UBR3: variants seen among roughly 807,000 people sequenced by gnomAD.
UBR3 encodes ubiquitin protein ligase E3 component n-recognin 3.
A neutral mutation model predicts 243.2 loss-of-function variants in UBR3; 85 were observed. The ratio of observed to expected loss-of-function variants is 0.35; its 90% CI spans 0.29 to 0.42. The LOEUF is 0.42. UBR3 is among the 10% of genes least tolerant of loss of function. UBR3 has a pLI of 1.00. For synonymous variants in UBR3, 748 were observed against 799.8 expected (o/e 0.94, Z 1.09); for missense variants, 1,686 against 2,300.8 (o/e 0.73, Z 5.47).
At chr2:169,894,200 A>G (rs1371043119) in intron 6 of UBR3, among the ~76,000 whole-genome samples, 1 of 151,818 alleles carries the variant, frequency 6.6e-6, no homozygotes, top group African/African-American at 2.4e-5. Flanking sequence ...TTGCACACCT[A>G]TAGTCCTAGC....
rs115414823 is a variant in UBR3 at position 169,856,918 on chromosome 2, A to G, written c.546-15318A>G. Reference sequence around the variant, plus strand: ...CATCAAACTTTTGGTCTTTGCAAATATGATAGGTAGAAAAAAGGTGTTTCA... The same window carrying G: ...CATCAAACTTTTGGTCTTTGCAAATGTGATAGGTAGAAAAAAGGTGTTTCA... On this transcript the variant is annotated intron_variant, in intron 1 of 38. Coordinates refer to ENST00000272793, the MANE Select transcript of UBR3 (RefSeq NM_172070.4). 7.7e-3 allele frequency among the ~76,000 whole-genome samples: 1,175 copies of G among 152,078 alleles called. 16 individuals are homozygous for G. The highest frequency in any genetic ancestry group is 0.026 in the African/African-American group (1,061 of 41,466).
chr2:170,025,323 G>T (rs1336759317), intron 30 of UBR3, among the ~76,000 whole-genome samples: 1 of 152,120 alleles, frequency 6.6e-6, no homozygotes, highest in Admixed American at 6.6e-5. Flanking sequence ...CATAAAGTAA[G>T]GGGATAATCT....
At chr2:170,078,644 C>CT (rs1323577220) in intron 36 of UBR3, among the ~76,000 whole-genome samples, 1 of 152,140 alleles carries the variant, frequency 6.6e-6, no homozygotes, top group African/African-American at 2.4e-5. Flanking sequence ...AATACCACAG[C>CT]TTTTTTCAGA....
At chr2:169,894,322 GAAAAAAAAAA>G (rs59525862) in intron 6 of UBR3, among the ~76,000 whole-genome samples, 13 of 78,236 alleles carry the variant, frequency 1.7e-4, no homozygotes, top group East Asian at 8.4e-4. Context: ...TGACTCTTAA[GAAAAAAAAAA>G]AAAAAAAAAA....
chr2:169,924,536 T>C (rs1317845358), intron 13 of UBR3, among the ~76,000 whole-genome samples: 1 of 152,164 alleles, frequency 6.6e-6, no homozygotes, highest in African/African-American at 2.4e-5. Context: ...TTTCCCTATC[T>C]GTATAGTGAG....
intron 31 of UBR3, among the ~76,000 whole-genome samples, chr2:170,038,366 A>T (rs544659093): frequency 1.3e-5 from 2 of 152,286 alleles, no homozygotes; most frequent in South Asian, 4.1e-4. Flanking sequence ...CCACTCGTTT[A>T]TTTGTTCATT....
intron 33 of UBR3, 122 bp downstream of exon 33, chr2:170,055,706 A>C: frequency 8.2e-7 from 1 of 1,222,062 alleles, no homozygotes; most frequent in Non-Finnish European, 1.1e-6. Flanking sequence ...TAAATTGAGC[A>C]CCTACAGGCT....
At chr2:169,908,969 G>A (rs1242340047) in intron 10 of UBR3, among the ~76,000 whole-genome samples, 23 of 151,874 alleles carry the variant, frequency 1.5e-4, no homozygotes, top group Admixed American at 3.9e-4. Context: ...GACTACAGGT[G>A]CCCGCCACCA....
At chr2:170,022,110 C>A (rs1433459251) in intron 30 of UBR3, among the ~76,000 whole-genome samples, 1 of 152,082 alleles carries the variant, frequency 6.6e-6, no homozygotes, top group Non-Finnish European at 1.5e-5. Flanking sequence ...CCTAGGACTA[C>A]CTATATGCAG....
At chr2:170,078,345 C>G (rs2091852593) in intron 36 of UBR3, 1 of 261,624 alleles carries the variant, frequency 3.8e-6, no homozygotes, top group Non-Finnish European at 7.3e-6. Flanking sequence ...TTTTGGGTCT[C>G]AGAGACCCAC....
rs569513336 is a variant in UBR3, at chr2:169,973,798, A to G, written c.3635-12847A>G. Among the ~76,000 whole-genome samples the G allele has an allele frequency of 2.6e-5, 4 of 152,260 alleles. No individual in the cohort carries two copies. The East Asian group carries it at 7.7e-4, about 29-fold the overall frequency. ...TCCAGTTCTTGGAGGAAAAGCTTTCAGCTTTTCCTTATTCAGTATAATGTT... is the reference window on the plus strand; with the variant it reads ...TCCAGTTCTTGGAGGAAAAGCTTTCGGCTTTTCCTTATTCAGTATAATGTT... On this transcript the variant is annotated intron_variant, in intron 24 of 38. Transcript: ENST00000272793.
chr2:169,828,077 G>A (rs1044511369), intron 1 of UBR3, 25 bp downstream of exon 1: 71 of 1,357,418 alleles, frequency 5.2e-5, no homozygotes, highest in Non-Finnish European at 6.2e-5. Flanking sequence ...CCCCGCGGGC[G>A]AGGCGACCCT....
In UBR3 at chr2:170,029,446, A is replaced by G. The variant is rs1260966052; in HGVS notation, c.4554A>G (p.Pro1518=). The change falls in exon 31 of 39, where the codon CCA becomes CCG. Residue 1518 remains proline, a splice_region_variant and synonymous_variant. Coordinates refer to ENST00000272793, the MANE Select transcript of UBR3 (RefSeq NM_172070.4). ...RKLTQLEEMN[P]QLGYEEQQPE... is the part of the protein sequence containing the mutation. The stretch of plus-strand genomic sequence containing the variant: ...TCACCCAGTTAGAAGAGATGAATCC[A>G]CAGTAAGTATAATTGAAAGACTAAA... 2 of 1,602,292 alleles carry G rather than the reference A, an allele frequency of 1.2e-6. No homozygotes were observed. The highest frequency in any genetic ancestry group is 1.7e-6 in the Non-Finnish European group (2 of 1,174,126).
intron 5 of UBR3, among the ~76,000 whole-genome samples, chr2:169,882,359 T>TTATATATGTATTATATAA (rs1486703421): frequency 3.0e-4 from 8 of 26,908 alleles, no homozygotes; most frequent in South Asian, 5.9e-3. Context: ...TAAATATATA[T>TTATATATGTATTATATAA]TATATATGTA....
chr2:170,001,328 A>G lies in UBR3; in HGVS notation c.3943A>G (p.Ile1315Val), dbSNP rs750572865. Residue 1315 changes from isoleucine (I) to valine (V), a missense_variant, in exon 27 of 39, where the codon ATT becomes GTT. Transcript: ENST00000272793. ...GAGTTCATGTCTCTTGGCAGTATCAATTGGCTGGGAAGGAGGTGTTTATGT... is the reference window on the plus strand; with the variant it reads ...GAGTTCATGTCTCTTGGCAGTATCAGTTGGCTGGGAAGGAGGTGTTTATGT... ...KDSSCLLAVSIGWEGGVYVQT... is the reference protein window; with the variant it reads ...KDSSCLLAVSVGWEGGVYVQT... The G allele has an allele frequency of 5.6e-6, 9 of 1,613,228 alleles. No individual in the cohort carries two copies. Among genetic ancestry groups the G allele is most frequent in the Non-Finnish European group, 7.6e-6 (9 of 1,179,446 alleles).
At chr2:169,854,185 T>TA (rs1291301163) in intron 1 of UBR3, among the ~76,000 whole-genome samples, 2 of 152,042 alleles carry the variant, frequency 1.3e-5, no homozygotes, top group Admixed American at 6.6e-5. Context: ...TTAAAGTATT[T>TA]AAAAAAAAGT....
At chr2:170,067,052 CG>C (rs1167756243) in intron 35 of UBR3, among the ~76,000 whole-genome samples, 1 of 151,300 alleles carries the variant, frequency 6.6e-6, no homozygotes, top group Non-Finnish European at 1.5e-5. Context: ...AGGAAGCAGG[CG>C]CACAGAGATG....
Position 170,028,429 on chromosome 2 carries a change from T to A in UBR3, c.4454-917T>A, listed in dbSNP as rs573020865. On this transcript the variant is annotated intron_variant, in intron 30 of 38. Coordinates refer to ENST00000272793, the MANE Select transcript of UBR3 (RefSeq NM_172070.4). ...AATAAGTAACAATAATAGGTTTGTG[T>A]CATTCAGTTAACTTTTTTCCTAGAT... Among the ~76,000 whole-genome samples, 19 of 151,966 alleles carry A rather than the reference T, an allele frequency of 1.3e-4. No homozygotes were observed. The East Asian group carries it at 3.1e-3, about 25-fold the overall frequency.
At chr2:170,036,886 A>G (rs1362100646) in intron 31 of UBR3, among the ~76,000 whole-genome samples, 5 of 152,016 alleles carry the variant, frequency 3.3e-5, no homozygotes, top group African/African-American at 1.2e-4. Context: ...ATTTTTTCCT[A>G]TTACTTTCAT....
Sources: gnomAD v4.1 joint callset for allele counts (sites outside exome capture counted in the v4.1 genomes callset) on GRCh38, gnomAD v4.1.1 for gene constraint, MANE v1.5 for transcripts, NCBI Gene and HGNC (gene_info 2026-07-23, HGNC 2026-07-21) for gene names.